The following MARCHF1 variants were observed in gnomAD, a reference collection of about 807,000 sequenced individuals.
MARCHF1 encodes the protein membrane associated ring-CH-type finger 1.
A neutral mutation model predicts 54.2 loss-of-function variants in MARCHF1; 40 were observed. That is an observed-to-expected ratio of 0.74 (90% CI 0.57 to 0.96). The LOEUF (loss-of-function observed/expected upper bound fraction) is 0.96. Ranked by LOEUF, MARCHF1 falls within the 40% of genes least tolerant of loss-of-function variation. MARCHF1 has a pLI of 0.00. For synonymous variants in MARCHF1, 236 were observed against 236.3 expected (o/e 1.00, Z 0.01); for missense variants, 586 against 656.5 (o/e 0.89, Z 1.17).
rs574091578 is a variant in MARCHF1 at position 163,763,911 on chromosome 4, C to T, written c.112-63048G>A. ...AATGTGTGTTTTTTTGATGATACAACTACAAGGCTAAAGGTGTCAGTCACA... is the reference window on the plus strand; with the variant it reads ...AATGTGTGTTTTTTTGATGATACAATTACAAGGCTAAAGGTGTCAGTCACA... On this transcript the variant is annotated intron_variant, in intron 4 of 9. Transcript: ENST00000514618. 4.6e-5 allele frequency among the ~76,000 whole-genome samples: 7 copies of T among 152,060 alleles called. No homozygotes were observed. In the South Asian group the frequency reaches 1.5e-3, roughly 32 times the overall value.
intron 1 of MARCHF1, among the ~76,000 whole-genome samples, chr4:164,263,785 C>T (rs1016665338): frequency 6.6e-6 from 1 of 152,044 alleles, no homozygotes; most frequent in African/African-American, 2.4e-5. Flanking sequence ...CATATCAAAA[C>T]CATAATGAGA....
intron 4 of MARCHF1, among the ~76,000 whole-genome samples, chr4:163,724,467 T>A (rs1024221070): frequency 1.3e-5 from 2 of 152,184 alleles, no homozygotes; most frequent in African/African-American, 4.8e-5. Flanking sequence ...GGGACCCACT[T>A]GAGGAGGCAG....
At position 163,526,736 on chromosome 4, in the gene MARCHF1, T is replaced by C. The variant is rs147157325; in HGVS notation, c.*2012A>G. The C allele has an allele frequency of 1.3e-5, 2 of 152,146 alleles. No individual in the cohort carries two copies. The highest frequency in any genetic ancestry group is 3.9e-4 in the East Asian group (2 of 5,184). 9.4% of individuals were successfully genotyped at this position (152,146 alleles called of 1,614,324 possible). On this transcript the variant is annotated 3_prime_UTR_variant, in exon 10 of 10. Transcript: ENST00000514618. ...AGTTACCTCAACTTTGCTTTCCCTG[T>C]GCTTATAACAAGTTTTAAGAAAGAT...
At chr4:163,888,183 T>C (rs1308084162) in intron 3 of MARCHF1, among the ~76,000 whole-genome samples, 1 of 152,134 alleles carries the variant, frequency 6.6e-6, no homozygotes, top group East Asian at 1.9e-4. Context: ...ACTTAAAGTA[T>C]AATAATTTAA....
chr4:163,699,125 G>C (rs6536749), intron 5 of MARCHF1, among the ~76,000 whole-genome samples: 71,269 of 151,940 alleles, frequency 0.47, 17,186 homozygotes, highest in Non-Finnish European at 0.51. Context: ...AACCAGTAGG[G>C]CACATTGCCT....
chr4:163,812,689 C>T (rs746961976), intron 4 of MARCHF1, among the ~76,000 whole-genome samples: 1 of 152,028 alleles, frequency 6.6e-6, no homozygotes, highest in Non-Finnish European at 1.5e-5. Context: ...ACCTGGGAGG[C>T]GGGAGTTGCA....
rs1740359957 is a variant in MARCHF1 at position 163,584,976 on chromosome 4, AAGTCC to A, written c.1191+768_1191+772del. 3 of 152,360 alleles carry A rather than the reference AAGTCC, an allele frequency of 2.0e-5. No homozygotes were observed. In the South Asian group the frequency reaches 6.2e-4, roughly 32 times the overall value. 9.4% of individuals were successfully genotyped at this position (152,360 alleles called of 1,614,324 possible). A position where few individuals can be genotyped will look rare whatever the true frequency, so the allele number is the denominator to read the frequency against. On this transcript the variant is annotated intron_variant, in intron 8 of 9. Transcript: ENST00000514618. The stretch of plus-strand genomic sequence containing the variant: ...AAATAAGTTACATGCTAAAATCCAG[AAGTCC>A]AGCTATCAAACATGAATTGTATAAG...
chr4:164,190,271 A>C, intron 1 of MARCHF1: 1 of 970,648 alleles, frequency 1.0e-6, no homozygotes, highest in Non-Finnish European at 1.6e-6. Context: ...TTATCAGCAA[A>C]CTCTATGGAA....
chr4:164,086,711 T>C (rs566054382), intron 2 of MARCHF1, among the ~76,000 whole-genome samples: 1 of 152,134 alleles, frequency 6.6e-6, no homozygotes, highest in East Asian at 1.9e-4. Context: ...TTAATGGACA[T>C]TAAATGAAAA....
At chr4:163,576,670 G>A (rs1288190036) in intron 8 of MARCHF1, among the ~76,000 whole-genome samples, 1 of 151,936 alleles carries the variant, frequency 6.6e-6, no homozygotes, top group Non-Finnish European at 1.5e-5. Context: ...CACTATTATT[G>A]TGTGGCTAAG....
intron 1 of MARCHF1, among the ~76,000 whole-genome samples, chr4:164,314,327 A>C (rs918654050): frequency 1.3e-5 from 2 of 152,230 alleles, no homozygotes; most frequent in African/African-American, 4.8e-5. Flanking sequence ...CAATTAAATG[A>C]ATCTTGTGCA....
intron 2 of MARCHF1, among the ~76,000 whole-genome samples, chr4:163,994,198 T>C (rs1753019675): frequency 6.6e-6 from 1 of 151,630 alleles, no homozygotes; most frequent in Non-Finnish European, 1.5e-5. Context: ...TAATTACTGC[T>C]TGCCTCAGAA....
In MARCHF1 at chr4:163,743,728, G is replaced by C. The variant is rs542632433; in HGVS notation, c.112-42865C>G. ...AGAGTAGCTGGGACTACAGGCGCCC[G>C]CCACCATGCCTGGCCAATTTTTTTG... is the stretch of plus-strand genomic sequence containing the variant. On this transcript the variant is annotated intron_variant, in intron 4 of 9. Transcript: ENST00000514618. 8.5e-5 allele frequency among the ~76,000 whole-genome samples: 13 copies of C among 152,132 alleles called. No individual in the cohort carries two copies. In the South Asian group the frequency reaches 2.3e-3, roughly 27 times the overall value.
At chr4:164,093,427 A>G (rs1474378249) in intron 2 of MARCHF1, among the ~76,000 whole-genome samples, 2 of 152,284 alleles carry the variant, frequency 1.3e-5, no homozygotes, top group Admixed American at 6.5e-5. Context: ...ACACATGGAC[A>G]GAAGGTTGCA....
At chr4:164,034,504 A>G (rs1453118028) in intron 2 of MARCHF1, among the ~76,000 whole-genome samples, 2 of 152,200 alleles carry the variant, frequency 1.3e-5, no homozygotes, top group Non-Finnish European at 2.9e-5. Context: ...TCATTATGTC[A>G]AAAAGATACA....
intron 9 of MARCHF1, among the ~76,000 whole-genome samples, chr4:163,531,811 CAT>C (rs893084953): frequency 2.6e-4 from 40 of 151,624 alleles, no homozygotes; most frequent in African/African-American, 9.2e-4. Context: ...AAATTAAAAA[CAT>C]AAGCCCATTT....
chr4:164,064,790 T>C (rs1754692297), intron 2 of MARCHF1, among the ~76,000 whole-genome samples: 1 of 152,194 alleles, frequency 6.6e-6, no homozygotes, highest in African/African-American at 2.4e-5. Flanking sequence ...GAGTTTGTCA[T>C]ATATGGCTCT....
intron 5 of MARCHF1, among the ~76,000 whole-genome samples, chr4:163,615,588 A>T (rs1741484453): frequency 6.6e-6 from 1 of 152,134 alleles, no homozygotes; most frequent in African/African-American, 2.4e-5. Context: ...GGAATAAAAA[A>T]AAATGAAAAG....
intron 1 of MARCHF1, among the ~76,000 whole-genome samples, chr4:164,184,896 C>G (rs1023272302): frequency 6.6e-6 from 1 of 152,160 alleles, no homozygotes; most frequent in African/African-American, 2.4e-5. Flanking sequence ...AAAAAGAGCT[C>G]TTTGGATGGC....
Sources: gnomAD v4.1 joint callset for allele counts (sites outside exome capture counted in the v4.1 genomes callset) on GRCh38, gnomAD v4.1.1 for gene constraint, MANE v1.5 for transcripts, NCBI Gene and HGNC (gene_info 2026-07-23, HGNC 2026-07-21) for gene names.